The following YTHDC2 variants were observed in gnomAD, a reference collection of about 807,000 sequenced individuals.
YTHDC2 encodes 3'-5' RNA helicase YTHDC2.
In YTHDC2, 45 loss-of-function variants were observed where a neutral mutation model predicts 174.9. That is an observed-to-expected ratio of 0.26 (90% confidence interval 0.20 to 0.33). The LOEUF (loss-of-function observed/expected upper bound fraction) is 0.33, where lower values mean the gene tolerates loss of function less well. YTHDC2 is among the 10% of genes least tolerant of loss of function. The probability of loss-of-function intolerance (pLI) is 1.00; values close to 1 mark genes in which losing one functional copy is unlikely to be tolerated. For missense variants in YTHDC2, 1,650 were observed against 1,723.7 expected, an observed-to-expected ratio of 0.96 and a Z score of 0.76; for synonymous variants, 657 against 574.5, an observed-to-expected ratio of 1.14 and a Z score of -2.05.
At chr5:113,554,111 T>C in intron 16 of YTHDC2, 89 bp downstream of exon 16, 1 of 1,216,622 alleles carries the variant, frequency 8.2e-7, no homozygotes, top group Non-Finnish European at 1.1e-6. Context: ...TAGTTGTTTT[T>C]CTTTTAATTT....
Position 113,535,755 on chromosome 5 carries a change from A to G in YTHDC2, c.1059A>G (p.Val353=). 6.2e-7 allele frequency: 1 copy of G among 1,613,244 alleles called. No homozygotes were observed. The highest frequency in any genetic ancestry group is 8.5e-7 in the Non-Finnish European group (1 of 1,179,620). Residue 353 remains valine (V), a synonymous_variant, in exon 7 of 30, where the codon GTA becomes GTG. Transcript: ENST00000161863. ...TTCTTTCTAGTGCTGCCTTGGATGT[A>G]AATCTCTTTATAAGATATTTTGGAA... The part of the protein sequence containing the change: ...KLILSSAALD[V]NLFIRYFGSC...
intron 2 of YTHDC2, among the ~76,000 whole-genome samples, chr5:113,522,745 CAAT>C (rs954154679): frequency 3.3e-5 from 5 of 152,090 alleles, no homozygotes; most frequent in East Asian, 1.9e-4. Context: ...ATCCTCACAA[CAAT>C]GAGGTGAATA....
intron 17 of YTHDC2, 98 bp from the exon 18 acceptor site, chr5:113,560,982 C>G (rs1776923613): frequency 2.0e-5 from 20 of 1,016,212 alleles, no homozygotes; most frequent in Non-Finnish European, 2.4e-5. Context: ...GTATCCTGAT[C>G]CTGGATCATT....
rs576644606 is a variant in YTHDC2 at position 113,563,110 on chromosome 5, C to T, written c.2323-263C>T. Among the ~76,000 whole-genome samples, 20 of 151,140 alleles carry T rather than the reference C, an allele frequency of 1.3e-4. No individual in the cohort carries two copies. The South Asian group carries it at 3.5e-3, about 27-fold the overall frequency. On this transcript the variant is annotated intron_variant, in intron 18 of 29. Transcript: ENST00000161863. ...ACAGTGACTATGAATGTTATGTATA[C>T]GAACAGTGTGAGGAGATGTTGCCAA...
chr5:113,533,477 A>C (rs1774832590), intron 5 of YTHDC2, among the ~76,000 whole-genome samples: 1 of 151,884 alleles, frequency 6.6e-6, no homozygotes, highest in African/African-American at 2.4e-5. Context: ...TGAACCCGGA[A>C]GGCGGAGGTT....
chr5:113,561,960 GTGTGTGTGT>G (rs1777014180), intron 18 of YTHDC2, among the ~76,000 whole-genome samples: 4 of 74,002 alleles, frequency 5.4e-5, no homozygotes, highest in African/African-American at 1.9e-4. Flanking sequence ...AATTGTGGGT[GTGTGTGTGT>G]GTGTGTGTGT....
intron 10 of YTHDC2, among the ~76,000 whole-genome samples, chr5:113,542,710 A>G (rs1272503051): frequency 1.3e-5 from 2 of 152,214 alleles, no homozygotes; most frequent in Non-Finnish European, 2.9e-5. Context: ...CAGATTCTTA[A>G]GCTAATGTCT....
intron 1 of YTHDC2, 30 bp from the exon 2 acceptor site, chr5:113,515,242 A>C (rs1221145946): frequency 9.5e-6 from 15 of 1,578,532 alleles, no homozygotes; most frequent in Non-Finnish European, 1.3e-5. Flanking sequence ...CTATCTACAA[A>C]TTTTACTACT....
intron 10 of YTHDC2, among the ~76,000 whole-genome samples, chr5:113,546,087 T>C (rs1366889142): frequency 6.6e-6 from 1 of 152,198 alleles, no homozygotes; most frequent in Non-Finnish European, 1.5e-5. Flanking sequence ...AGTGTAGATA[T>C]TTGTTCATCT....
intron 2 of YTHDC2, among the ~76,000 whole-genome samples, chr5:113,520,063 C>T (rs756202865): frequency 7.2e-5 from 11 of 152,054 alleles, no homozygotes; most frequent in Non-Finnish European, 1.5e-4. Context: ...CCCCCTAATC[C>T]CTGACAGGCC....
At chr5:113,534,501 C>T (rs1256767743) in intron 6 of YTHDC2, 94 bp downstream of exon 6, 2 of 1,067,690 alleles carry the variant, frequency 1.9e-6, no homozygotes, top group Non-Finnish European at 1.4e-6. Context: ...AATTTAAATA[C>T]ATAATTACAT....
In YTHDC2 at chr5:113,535,764, T is replaced by C; in HGVS notation, c.1068T>C (p.Phe356=). ...GTGCTGCCTTGGATGTAAATCTCTT[T>C]ATAAGATATTTTGGAAGTTGTCCAG... ...LSSAALDVNL[F]IRYFGSCPVI... is the part of the protein sequence containing the mutation. The change falls in exon 7 of 30, where the codon TTT becomes TTC. Residue 356 remains phenylalanine, a synonymous_variant. Coordinates refer to ENST00000161863, the MANE Select transcript of YTHDC2 (RefSeq NM_022828.5). 4 of 1,611,932 alleles carry C rather than the reference T, an allele frequency of 2.5e-6. No individual in the cohort carries two copies. Among genetic ancestry groups the C allele is most frequent in the Non-Finnish European group, 3.4e-6 (4 of 1,179,176 alleles).
chr5:113,567,959 T>G (rs181309840), intron 23 of YTHDC2, 110 bp downstream of exon 23: 589 of 834,398 alleles, frequency 7.1e-4, no homozygotes, highest in Admixed American at 1.5e-3. Flanking sequence ...ATTTATATAG[T>G]AGCAGCTCTA....
At chr5:113,568,471 A>C (rs939642619) in intron 23 of YTHDC2, among the ~76,000 whole-genome samples, 2 of 145,038 alleles carry the variant, frequency 1.4e-5, no homozygotes, top group Middle Eastern at 3.4e-3. Flanking sequence ...GACATCATGT[A>C]TCTATCAAGC....
chr5:113,535,335 G>A (rs564455235), intron 6 of YTHDC2, among the ~76,000 whole-genome samples: 119 of 152,166 alleles, frequency 7.8e-4, no homozygotes, highest in African/African-American at 2.7e-3. Context: ...CATAGGATAT[G>A]TGCAAATACT....
intron 4 of YTHDC2, 136 bp from the exon 5 acceptor site, chr5:113,532,743 A>G (rs8180416): frequency 0.18 from 128,211 of 696,806 alleles, 12,790 homozygotes; most frequent in Non-Finnish European, 0.2. Context: ...TACTAGTTAC[A>G]TGAATGTTGT....
rs201971594 is a variant in YTHDC2 at position 113,526,617 on chromosome 5, A to T, written c.507A>T (p.Arg169=). 6.4e-7 allele frequency: 1 copy of T among 1,570,898 alleles called. No homozygotes were observed. The highest frequency in any genetic ancestry group is 1.4e-5 in the African/African-American group (1 of 73,050). Residue 169 remains arginine, a synonymous_variant, in exon 4 of 30, where the codon CGA becomes CGT. Transcript: ENST00000161863. ...ENREMSKTSG[R]LNNGIPQIPV... is the part of the protein sequence containing the mutation. ...GGGAAATGAGCAAGACAAGTGGGCG[A>T]CTCAACAATGGCATACCTCAGATTC...
chr5:113,555,260 T>C (rs1377339408), intron 16 of YTHDC2, among the ~76,000 whole-genome samples: 1 of 152,072 alleles, frequency 6.6e-6, no homozygotes, highest in Non-Finnish European at 1.5e-5. Flanking sequence ...TTATTTAACA[T>C]ACAAAATTGA....
intron 17 of YTHDC2, among the ~76,000 whole-genome samples, chr5:113,557,305 A>G (rs973531919): frequency 6.6e-6 from 1 of 152,218 alleles, no homozygotes; most frequent in African/African-American, 2.4e-5. Flanking sequence ...GCATTTTATT[A>G]TAATTAGCAG....
Sources: allele counts gnomAD v4.1 joint callset (sites outside exome capture counted in the v4.1 genomes callset), GRCh38; gene constraint gnomAD v4.1.1; transcripts MANE v1.5; gene names NCBI Gene and HGNC (gene_info 2026-07-23, HGNC 2026-07-21).